The following PSMB7 variants were observed in gnomAD, a reference collection of about 807,000 sequenced individuals.
The protein encoded by PSMB7 is proteasome 20S subunit beta 7.
In PSMB7, 5 loss-of-function variants were observed where a neutral mutation model predicts 28.1. That is an observed-to-expected ratio of 0.18 (90% confidence interval 0.09 to 0.37). The LOEUF (loss-of-function observed/expected upper bound fraction) is 0.37. Ranked by LOEUF, PSMB7 falls within the 10% of genes least tolerant of loss-of-function variation. The probability of loss-of-function intolerance (pLI) is 1.00; values close to 1 mark genes in which losing one functional copy is unlikely to be tolerated. For missense variants in PSMB7, 275 were observed against 346.2 expected, an observed-to-expected ratio of 0.79 and a Z score of 1.63; for synonymous variants, 122 against 123.7, an observed-to-expected ratio of 0.99 and a Z score of 0.09.
At chr9:124,387,851 A>G (rs555103674) in intron 5 of PSMB7, among the ~76,000 whole-genome samples, 1 of 152,172 alleles carries the variant, frequency 6.6e-6, no homozygotes, top group South Asian at 2.1e-4. Context: ...TTTCAAGGCA[A>G]TGCAGTGGGG....
intron 5 of PSMB7, among the ~76,000 whole-genome samples, chr9:124,404,444 C>T (rs1830943313): frequency 6.6e-6 from 1 of 151,946 alleles, no homozygotes; most frequent in Admixed American, 6.6e-5. Context: ...GCTGAGTAGC[C>T]CTTATCCAAA....
chr9:124,358,031 T>C (rs1042221828), intron 6 of PSMB7, among the ~76,000 whole-genome samples: 1 of 152,104 alleles, frequency 6.6e-6, no homozygotes, highest in Non-Finnish European at 1.5e-5. Flanking sequence ...TGAACCAGGC[T>C]CCCTGAAAGC....
intron 6 of PSMB7, among the ~76,000 whole-genome samples, chr9:124,378,943 G>C (rs1413462126): frequency 1.3e-5 from 2 of 152,164 alleles, no homozygotes; most frequent in Non-Finnish European, 1.5e-5. Flanking sequence ...GCTAGCCTGT[G>C]GGTAAGAACC....
intron 6 of PSMB7, among the ~76,000 whole-genome samples, chr9:124,382,795 C>T (rs968583470): frequency 1.3e-5 from 2 of 152,192 alleles, no homozygotes; most frequent in Admixed American, 6.5e-5. Flanking sequence ...AATTCACAGC[C>T]TTTGAACCAT....
At chr9:124,386,264 G>C (rs1830717409) in intron 5 of PSMB7, among the ~76,000 whole-genome samples, 1 of 152,088 alleles carries the variant, frequency 6.6e-6, no homozygotes, top group Admixed American at 6.5e-5. Context: ...GCACATATGT[G>C]AGAGCAAATT....
chr9:124,398,719 G>C (rs1296255102), intron 5 of PSMB7, among the ~76,000 whole-genome samples: 1 of 152,190 alleles, frequency 6.6e-6, no homozygotes, highest in Non-Finnish European at 1.5e-5. Context: ...TAATAGCTAA[G>C]TGAAATCACA....
intron 6 of PSMB7, among the ~76,000 whole-genome samples, chr9:124,381,828 A>C (rs530454215): frequency 5.3e-5 from 8 of 152,244 alleles, no homozygotes; most frequent in Non-Finnish European, 1.0e-4. Flanking sequence ...CTTGGTCTTC[A>C]CAATAAATGT....
At chr9:124,354,077 C>T (rs1304511701) in intron 7 of PSMB7, among the ~76,000 whole-genome samples, 1 of 152,224 alleles carries the variant, frequency 6.6e-6, no homozygotes, top group African/African-American at 2.4e-5. Context: ...CATCATTACA[C>T]AAGAGAAGGG....
At chr9:124,375,867 G>A (rs1324252326) in intron 6 of PSMB7, among the ~76,000 whole-genome samples, 1 of 152,170 alleles carries the variant, frequency 6.6e-6, no homozygotes, top group East Asian at 1.9e-4. Context: ...ACCTCCCAGC[G>A]AGTGGTCACC....
chr9:124,362,378 C>T (rs566626437), intron 6 of PSMB7, among the ~76,000 whole-genome samples: 14 of 152,338 alleles, frequency 9.2e-5, no homozygotes, highest in South Asian at 4.1e-4. Context: ...TTGCCTTCTG[C>T]GCCACCTCCA....
chr9:124,406,367 T>C (rs1830963158), intron 4 of PSMB7, among the ~76,000 whole-genome samples: 1 of 151,670 alleles, frequency 6.6e-6, no homozygotes, highest in South Asian at 2.1e-4. Context: ...CAAGGCATGG[T>C]GGCATGTACC....
intron 4 of PSMB7, among the ~76,000 whole-genome samples, chr9:124,411,217 C>CA (rs1831024813): frequency 6.6e-6 from 1 of 152,310 alleles, no homozygotes; most frequent in Non-Finnish European, 1.5e-5. Context: ...GGTGATCCGC[C>CA]AACCTTGGCC....
intron 6 of PSMB7, 130 bp from the exon 7 acceptor site, chr9:124,357,045 C>T (rs1325193128): frequency 3.9e-6 from 4 of 1,032,976 alleles, no homozygotes; most frequent in Non-Finnish European, 5.6e-6. Flanking sequence ...GCCCATCTCA[C>T]AGATGAGGAA....
intron 6 of PSMB7, among the ~76,000 whole-genome samples, chr9:124,374,242 T>G (rs982207752): frequency 2.0e-5 from 3 of 151,856 alleles, no homozygotes; most frequent in Admixed American, 2.0e-4. Flanking sequence ...TGGGGGAAAA[T>G]GGGGAGTGAT....
chr9:124,395,906 C>T (rs563184218), intron 5 of PSMB7, among the ~76,000 whole-genome samples: 7 of 152,314 alleles, frequency 4.6e-5, no homozygotes, highest in African/African-American at 1.4e-4. Flanking sequence ...GGGTCTCCTA[C>T]ACCAGCACAG....
Position 124,412,414 on chromosome 9 carries a change from G to A in PSMB7, c.333C>T (p.Leu111=), listed in dbSNP as rs767016946. 3 of 1,614,186 alleles carry A rather than the reference G, an allele frequency of 1.9e-6. No individual in the cohort carries two copies. The highest frequency in any genetic ancestry group is 1.3e-5 in the African/African-American group (1 of 75,072). ...CAACTCTGGGAAGACGGCCAGTGGA[G>A]AGGGAGTGGAGCTCCAGGTTGGAAG... is the stretch of plus-strand genomic sequence containing the variant. ...LISSNLELHS[L]STGRLPRVVT... Residue 111 remains leucine (L), a synonymous_variant, in exon 4 of 8, where the codon CTC becomes CTT. Coordinates refer to ENST00000259457, the MANE Select transcript of PSMB7 (RefSeq NM_002799.4).
intron 6 of PSMB7, among the ~76,000 whole-genome samples, chr9:124,375,585 A>C (rs1431149952): frequency 6.6e-6 from 1 of 152,208 alleles, no homozygotes; most frequent in Non-Finnish European, 1.5e-5. Context: ...TTAAAACCTA[A>C]AAATCTGGAG....
intron 6 of PSMB7, among the ~76,000 whole-genome samples, chr9:124,373,776 CATA>C (rs1410686563): frequency 6.6e-6 from 1 of 152,162 alleles, no homozygotes; most frequent in South Asian, 2.1e-4. Context: ...GAAAGGAGGA[CATA>C]TAGAAATCGA....
In PSMB7 at chr9:124,397,130, A is replaced by G. The variant is rs143157851; in HGVS notation, c.511+8187T>C. The stretch of plus-strand genomic sequence containing the variant: ...AACTGAGGTTCCCATTCTCACTCAC[A>G]TACTTCCTTACTTGTGGTTCAAGTA... On this transcript the variant is annotated intron_variant, in intron 5 of 7. Transcript: ENST00000259457. Among the ~76,000 whole-genome samples, 548 of 152,298 alleles carry G rather than the reference A, an allele frequency of 3.6e-3. 1 individual carries two copies. Among genetic ancestry groups the G allele is most frequent in the Middle Eastern group, 0.017 (5 of 294 alleles).
Sources: allele counts gnomAD v4.1 joint callset (sites outside exome capture counted in the v4.1 genomes callset), GRCh38; gene constraint gnomAD v4.1.1; transcripts MANE v1.5; gene names NCBI Gene and HGNC (gene_info 2026-07-23, HGNC 2026-07-21).